Variants in NPSR1 observed in about 807,000 individuals in gnomAD.
NPSR1 encodes the protein neuropeptide S receptor.
NPSR1 carries 48 observed loss-of-function variants against 46.9 expected under a neutral mutation model. The ratio of observed to expected loss-of-function variants is 1.02; its 90% CI spans 0.81 to 1.30. NPSR1 has a LOEUF of 1.30. Among genes scored for constraint, NPSR1 ranks in the 50% most tolerant of loss-of-function variants. The pLI is 0.00. For synonymous variants in NPSR1, 176 were observed against 168.1 expected (o/e 1.05, Z -0.36); for missense variants, 450 against 449.5 (o/e 1.00, Z -0.01).
chr7:34,659,974 G>T (rs1471258683), intron 1 of NPSR1, among the ~76,000 whole-genome samples: 1 of 152,154 alleles, frequency 6.6e-6, no homozygotes, highest in East Asian at 1.9e-4. Flanking sequence ...TCAGCAATAA[G>T]GTGGTTATTC....
At chr7:34,678,430 G>C (rs61330106) in intron 1 of NPSR1, among the ~76,000 whole-genome samples, 1 of 151,792 alleles carries the variant, frequency 6.6e-6, no homozygotes, top group Non-Finnish European at 1.5e-5. Context: ...GCATTAACAT[G>C]CTTCTCTTTA....
intron 3 of NPSR1, among the ~76,000 whole-genome samples, chr7:34,809,527 A>C (rs1788880819): frequency 6.9e-6 from 1 of 145,292 alleles, no homozygotes; most frequent in South Asian, 2.2e-4. Context: ...GCAGTGGCGC[A>C]ATCTCGGCTC....
intron 2 of NPSR1, among the ~76,000 whole-genome samples, chr7:34,724,930 G>T (rs566376774): frequency 1.3e-5 from 2 of 152,054 alleles, no homozygotes; most frequent in Non-Finnish European, 2.9e-5. Flanking sequence ...AAATAAAACC[G>T]CAAATGTCTG....
chr7:34,850,792 G>A (rs1022383899), downstream of NPSR1, among the ~76,000 whole-genome samples: 11 of 152,240 alleles, frequency 7.2e-5, no homozygotes, highest in South Asian at 1.7e-3. Context: ...AAGTCTTCCC[G>A]TTTTTAAATC....
intron 2 of NPSR1, among the ~76,000 whole-genome samples, chr7:34,739,094 A>G (rs1253499933): frequency 1.3e-5 from 2 of 152,240 alleles, no homozygotes; most frequent in Non-Finnish European, 2.9e-5. Context: ...TGGCTGAAAA[A>G]TAATACTCCA....
chr7:34,780,267 G>T (rs1213474564), intron 3 of NPSR1, among the ~76,000 whole-genome samples: 2 of 152,122 alleles, frequency 1.3e-5, no homozygotes, highest in Admixed American at 6.6e-5. Flanking sequence ...GTTGGAGGTT[G>T]GCAACCACAC....
At chr7:34,846,874 A>G (rs1790757710) in intron 7 of NPSR1, among the ~76,000 whole-genome samples, 2 of 152,218 alleles carry the variant, frequency 1.3e-5, no homozygotes, top group Non-Finnish European at 2.9e-5. Context: ...CTCTACATGA[A>G]TGGACATTCA....
At chr7:34,869,544 C>A (rs1791400930) in intron 8 of NPSR1, among the ~76,000 whole-genome samples, 1 of 151,778 alleles carries the variant, frequency 6.6e-6, no homozygotes, top group African/African-American at 2.4e-5. Flanking sequence ...GTGTAAATCT[C>A]CAAACTCATC....
chr7:34,809,944 A>G (rs990235309), intron 3 of NPSR1, among the ~76,000 whole-genome samples: 1 of 152,054 alleles, frequency 6.6e-6, no homozygotes, highest in Admixed American at 6.6e-5. Flanking sequence ...ATGTCCATCC[A>G]TGTCCCTGCA....
chr7:34,832,511 G>T (rs1329512329), intron 5 of NPSR1, among the ~76,000 whole-genome samples: 1 of 151,828 alleles, frequency 6.6e-6, no homozygotes, highest in South Asian at 2.1e-4. Flanking sequence ...AAAACCCTGT[G>T]TCCAAAAAAA....
intron 2 of NPSR1, among the ~76,000 whole-genome samples, chr7:34,731,606 G>A (rs531213211): frequency 2.6e-5 from 4 of 152,134 alleles, no homozygotes; most frequent in Admixed American, 6.5e-5. Flanking sequence ...ATGGTAAATC[G>A]CTGGCTCCTA....
chr7:34,658,673 T>C, intron 1 of NPSR1, 114 bp downstream of exon 1: 1 of 1,091,828 alleles, frequency 9.2e-7, no homozygotes, highest in Non-Finnish European at 1.3e-6. Context: ...TTATTTTCTT[T>C]ACTAAAAAGG....
At chr7:34,802,013 G>A (rs142578108) in intron 3 of NPSR1, among the ~76,000 whole-genome samples, 18,700 of 149,182 alleles carry the variant, frequency 0.13, 1,625 homozygotes, top group Non-Finnish European at 0.17. Context: ...TACAAGTGAC[G>A]TGAAGGACCT....
At chr7:34,846,625 A>G (rs767674791) in intron 7 of NPSR1, among the ~76,000 whole-genome samples, 25 of 152,346 alleles carry the variant, frequency 1.6e-4, no homozygotes, top group South Asian at 4.1e-4. Flanking sequence ...AACAGCCACA[A>G]TGAAAACCAA....
Position 34,834,372 on chromosome 7 carries a change from T to C in NPSR1, c.681-12T>C, listed in dbSNP as rs770030567. The C allele has an allele frequency of 6.2e-7, 1 of 1,610,636 alleles. No homozygotes were observed. The highest frequency in any genetic ancestry group is 1.1e-5 in the South Asian group (1 of 90,958). On this transcript the variant is annotated splice_polypyrimidine_tract_variant and intron_variant, in intron 5 of 8. Coordinates refer to ENST00000360581, the MANE Select transcript of NPSR1 (RefSeq NM_207172.2). ...CCAGTCACTTTAATACTACCTTTGG[T>C]TCTTTCTGCAGCATCATGTATGGCA...
At chr7:34,798,860 A>G (rs1788325155) in intron 3 of NPSR1, among the ~76,000 whole-genome samples, 1 of 152,208 alleles carries the variant, frequency 6.6e-6, no homozygotes, top group Admixed American at 6.5e-5. Context: ...TGAACAACAC[A>G]CTTCTAAGTA....
At chr7:34,680,273 A>G (rs971780894) in intron 1 of NPSR1, among the ~76,000 whole-genome samples, 1 of 152,184 alleles carries the variant, frequency 6.6e-6, no homozygotes, top group African/African-American at 2.4e-5. Flanking sequence ...AATTAAGATT[A>G]GTGAAACAAT....
chr7:34,696,797 A>G (rs1036655600), intron 2 of NPSR1, among the ~76,000 whole-genome samples: 1 of 151,924 alleles, frequency 6.6e-6, no homozygotes, highest in Non-Finnish European at 1.5e-5. Context: ...ATTTTCCCAA[A>G]CTCTTTAAAG....
At chr7:34,779,999 T>C (rs1787162067) in intron 3 of NPSR1, among the ~76,000 whole-genome samples, 1 of 152,174 alleles carries the variant, frequency 6.6e-6, no homozygotes, top group African/African-American at 2.4e-5. Flanking sequence ...AAATTAGTAC[T>C]GGCTTTAGTG....
Sources: allele counts gnomAD v4.1 joint callset (sites outside exome capture counted in the v4.1 genomes callset), GRCh38; gene constraint gnomAD v4.1.1; transcripts MANE v1.5; gene names NCBI Gene and HGNC (gene_info 2026-07-23, HGNC 2026-07-21).